CHLSN: variants seen among roughly 807,000 people sequenced by gnomAD.
CHLSN encodes the protein cholesin, also known as protein cholesin.
chr7:1,053,425 C>T, the CHLSN span, among the ~76,000 whole-genome samples: 3 of 152,206 alleles, frequency 2.0e-5, no homozygotes, highest in African/African-American at 4.8e-5. Context: ...GTCGGGCACG[C>T]GTCACGAGTC....
chr7:1,039,088 T>C, the CHLSN span, among the ~76,000 whole-genome samples: 175 of 25,418 alleles, frequency 6.9e-3, no homozygotes, highest in African/African-American at 0.014. Context: ...CCCGGCCAGC[T>C]GCCCCGTCCG....
the CHLSN span, among the ~76,000 whole-genome samples, chr7:1,127,848 TCATCCCACC>T: frequency 1.2e-5 from 1 of 82,066 alleles, no homozygotes; most frequent in East Asian, 2.9e-4. Context: ...CAATCTCGGC[TCATCCCACC>T]GTCACCCGGG....
the CHLSN span, chr7:1,057,903 G>A: frequency 1.2e-5 from 9 of 776,102 alleles, no homozygotes; most frequent in Non-Finnish European, 1.4e-5. Context: ...CCACTACATC[G>A]AGCGTGCACT....
the CHLSN span, chr7:1,080,808 C>T: frequency 2.0e-5 from 3 of 152,384 alleles, no homozygotes; most frequent in Non-Finnish European, 4.4e-5. Flanking sequence ...AGGGTCACGG[C>T]GAATTATATA....
chr7:1,048,155 C>T, the CHLSN span, among the ~76,000 whole-genome samples: 50 of 152,036 alleles, frequency 3.3e-4, no homozygotes, highest in Non-Finnish European at 8.8e-5. Flanking sequence ...CGAGGGGAAG[C>T]GAGAAAGGGT....
the CHLSN span, chr7:1,091,690 G>C: frequency 7.1e-7 from 1 of 1,413,396 alleles, no homozygotes; most frequent in Non-Finnish European, 9.6e-7. Context: ...AGCTCTGGGA[G>C]CCTTTCGGCA....
the CHLSN span, among the ~76,000 whole-genome samples, chr7:1,064,321 C>T: frequency 6.6e-6 from 1 of 151,976 alleles, no homozygotes. Context: ...GAAAGACGCA[C>T]GATGGCTCCA....
At chr7:1,113,367 C>T in the CHLSN span, among the ~76,000 whole-genome samples, 7 of 152,210 alleles carry the variant, frequency 4.6e-5, no homozygotes, top group African/African-American at 1.4e-4. Flanking sequence ...CAGGAGTGCC[C>T]GCTCCCAGAA....
the CHLSN span, among the ~76,000 whole-genome samples, chr7:1,051,232 G>A: frequency 1.3e-5 from 2 of 152,346 alleles, no homozygotes; most frequent in East Asian, 1.9e-4. Flanking sequence ...TGAACACTGT[G>A]TCCCAACCCC....
chr7:1,022,931 C>T, the CHLSN span: 11 of 454,750 alleles, frequency 2.4e-5, no homozygotes, highest in East Asian at 6.9e-4. Flanking sequence ...TCCATGGTCC[C>T]GGCGCAGACA....
chr7:1,112,897 G>A, the CHLSN span, among the ~76,000 whole-genome samples: 2 of 152,108 alleles, frequency 1.3e-5, no homozygotes, highest in Admixed American at 1.3e-4. Context: ...TTACCCCAGA[G>A]CGATGGAAAC....
At chr7:1,026,086 T>G in the CHLSN span, 1 of 152,204 alleles carries the variant, frequency 6.6e-6, no homozygotes, top group Non-Finnish European at 1.5e-5. Flanking sequence ...TGGCAGGGCC[T>G]CTGGGTGATT....
At chr7:1,005,329 G>A in the CHLSN span, among the ~76,000 whole-genome samples, 1 of 152,192 alleles carries the variant, frequency 6.6e-6, no homozygotes, top group African/African-American at 2.4e-5. Flanking sequence ...GGGACTTCTT[G>A]CTGAACCCCC....
At chr7:1,010,423 A>ACCCCCGG in the CHLSN span, among the ~76,000 whole-genome samples, 1 of 151,700 alleles carries the variant, frequency 6.6e-6, no homozygotes, top group East Asian at 1.9e-4. Context: ...CCTCCCACAG[A>ACCCCCGG]CTCCCGGCTC....
At chr7:1,054,778 A>G in the CHLSN span, among the ~76,000 whole-genome samples, 1 of 152,190 alleles carries the variant, frequency 6.6e-6, no homozygotes, top group Admixed American at 6.5e-5. Flanking sequence ...TTCTCTGGCC[A>G]TGCCCATGTC....
chr7:1,135,110 C>T, the CHLSN span, among the ~76,000 whole-genome samples: 1 of 152,144 alleles, frequency 6.6e-6, no homozygotes, highest in African/African-American at 2.4e-5. Flanking sequence ...CCAGCACAGA[C>T]AGCAGAACTT....
the CHLSN span, chr7:985,258 G>C: frequency 6.4e-7 from 1 of 1,551,852 alleles, no homozygotes. Flanking sequence ...CCGGGACCCC[G>C]TGTTTGTGTC....
the CHLSN span, among the ~76,000 whole-genome samples, chr7:1,095,765 C>A: frequency 6.6e-6 from 1 of 152,226 alleles, no homozygotes; most frequent in Non-Finnish European, 1.5e-5. Flanking sequence ...AGGAATTCAG[C>A]CACGCTCTCC....
chr7:1,073,493 G>A, the CHLSN span, among the ~76,000 whole-genome samples: 2 of 152,040 alleles, frequency 1.3e-5, no homozygotes, highest in Non-Finnish European at 2.9e-5. Context: ...CCTCAACATC[G>A]TAGAGCTTTC....
Sources: gnomAD v4.1 joint callset for allele counts (sites outside exome capture counted in the v4.1 genomes callset) on GRCh38, gnomAD v4.1.1 for gene constraint, MANE v1.5 for transcripts, NCBI Gene and HGNC (gene_info 2026-07-23, HGNC 2026-07-21) for gene names.